WNT5A: variants seen among roughly 807,000 people sequenced by gnomAD.
WNT5A encodes the protein Wnt family member 5A, also known as protein Wnt-5a.
WNT5A carries 9 observed loss-of-function variants against 42.1 expected under a neutral mutation model. The observed-to-expected ratio is 0.21, with a 90% CI of 0.13 to 0.37. The LOEUF (loss-of-function observed/expected upper bound fraction) is 0.37. Among genes scored for constraint, WNT5A ranks in the 10% least tolerant of loss-of-function variants. The pLI, the probability that WNT5A is intolerant of heterozygous loss-of-function variation, is 1.00. For synonymous variants in WNT5A, 210 were observed against 210.0 expected, an observed-to-expected ratio of 1.00 and a Z score of 0.00; for missense variants, 426 against 534.0, an observed-to-expected ratio of 0.80 and a Z score of 1.99.
chr3:55,481,700 G>C (rs2051468797), intron 1 of WNT5A, among the ~76,000 whole-genome samples: 1 of 152,078 alleles, frequency 6.6e-6, no homozygotes, highest in Non-Finnish European at 1.5e-5. Context: ...ATAATGGAGA[G>C]AGAGGTCGGG....
intron 4 of WNT5A, among the ~76,000 whole-genome samples, chr3:55,471,241 T>C (rs1395629511): frequency 1.3e-5 from 2 of 152,192 alleles, no homozygotes; most frequent in African/African-American, 4.8e-5. Flanking sequence ...GATTGGATGA[T>C]GGCACAGTGA....
At chr3:55,477,044 C>A (rs76346715) in intron 3 of WNT5A, among the ~76,000 whole-genome samples, 2,610 of 152,174 alleles carry the variant, frequency 0.017, 41 homozygotes, top group Non-Finnish European at 0.023. Flanking sequence ...TCAGAGGTGG[C>A]GGCCTGAATT....
At chr3:55,471,006 G>T (rs2051240769) in intron 4 of WNT5A, among the ~76,000 whole-genome samples, 1 of 152,166 alleles carries the variant, frequency 6.6e-6, no homozygotes, top group South Asian at 2.1e-4. Flanking sequence ...GGGGAGTAAA[G>T]GTGCCAGGAT....
chr3:55,484,589 A>G (rs1473456343), intron 1 of WNT5A, among the ~76,000 whole-genome samples: 1 of 152,092 alleles, frequency 6.6e-6, no homozygotes, highest in Non-Finnish European at 1.5e-5. Flanking sequence ...AGGTTCGGGT[A>G]TAGAGAGGCC....
chr3:55,488,678 AGG>A (rs2051620869), upstream of WNT5A, among the ~76,000 whole-genome samples: 6 of 151,894 alleles, frequency 4.0e-5, no homozygotes, highest in Non-Finnish European at 8.8e-5. Context: ...TGAAAGAGAG[AGG>A]TCCACTCCGC....
chr3:55,480,690 C>A (rs2051441474), intron 2 of WNT5A, 95 bp downstream of exon 2: 3 of 1,291,766 alleles, frequency 2.3e-6, no homozygotes, highest in Admixed American at 6.4e-5. Flanking sequence ...AATACACCCA[C>A]ACTCACTATC....
At chr3:55,474,669 C>T (rs1347807257) in intron 3 of WNT5A, 40 bp from the exon 4 acceptor site, 9 of 1,034,734 alleles carry the variant, frequency 8.7e-6, no homozygotes, top group Non-Finnish European at 1.1e-5. Context: ...GCCTGCCTCA[C>T]GCGCTGGGCC....
chr3:55,492,040 G>A (rs2051665375), upstream of WNT5A, among the ~76,000 whole-genome samples: 1 of 152,332 alleles, frequency 6.6e-6, no homozygotes, highest in Non-Finnish European at 1.5e-5. Flanking sequence ...GACTCCAGGA[G>A]GCTCTTTGAG....
At chr3:55,499,587 T>G in the WNT5A span, among the ~76,000 whole-genome samples, 1 of 152,202 alleles carries the variant, frequency 6.6e-6, no homozygotes, top group Non-Finnish European at 1.5e-5. Context: ...ATGGTTTAAG[T>G]AAACTAAATC....
At chr3:55,477,752 T>C (rs2051384201) in intron 3 of WNT5A, among the ~76,000 whole-genome samples, 1 of 152,184 alleles carries the variant, frequency 6.6e-6, no homozygotes, top group Admixed American at 6.5e-5. Context: ...ACAGGCTACG[T>C]ATGAAAACGA....
rs2051132457 is a variant in WNT5A at position 55,465,773 on chromosome 3, C to A, written c.*4319G>T. 6.6e-6 allele frequency: 1 copy of A among 152,122 alleles called. No individual in the cohort carries two copies. Among genetic ancestry groups the A allele is most frequent in the Middle Eastern group, 3.2e-3 (1 of 316 alleles). 9.4% of individuals were successfully genotyped at this position (152,122 alleles called of 1,614,324 possible). The stretch of plus-strand genomic sequence containing the variant: ...CAAGATATGAACAAAAATAAATAAT[C>A]TTTATCTCATTTCTAGCCCAGCAAA... On this transcript the variant is annotated 3_prime_UTR_variant, in exon 5 of 5. Transcript: ENST00000264634.
At chr3:55,489,867 C>A, upstream of WNT5A, 1 of 152,464 alleles carries the variant, frequency 6.6e-6, no homozygotes, top group Non-Finnish European at 1.5e-5. Flanking sequence ...AGAGCGTCTC[C>A]GCCCGGCAAA....
At chr3:55,475,277 A>C (rs2051333970) in intron 3 of WNT5A, among the ~76,000 whole-genome samples, 1 of 152,170 alleles carries the variant, frequency 6.6e-6, no homozygotes, top group Admixed American at 6.5e-5. Flanking sequence ...TATTATTTTC[A>C]TTTGAGTTAC....
At chr3:55,471,702 T>C (rs2682455) in intron 4 of WNT5A, among the ~76,000 whole-genome samples, 89,104 of 152,154 alleles carry the variant, frequency 0.59, 27,061 homozygotes, top group African/African-American at 0.74. Flanking sequence ...GGTCTGGCCC[T>C]ATAACACTGT....
At chr3:55,472,193 A>C (rs1416213931) in intron 4 of WNT5A, among the ~76,000 whole-genome samples, 1 of 152,120 alleles carries the variant, frequency 6.6e-6, no homozygotes. Flanking sequence ...TACCCCAAAA[A>C]AACTCGCTAC....
At chr3:55,499,985 A>ACCCC in the WNT5A span, among the ~76,000 whole-genome samples, 60 of 150,674 alleles carry the variant, frequency 4.0e-4, no homozygotes, top group Non-Finnish European at 5.8e-4. Context: ...CCCTCCAAAA[A>ACCCC]AAAAAAAAAA....
Position 55,487,297 on chromosome 3 carries a change from G to C in WNT5A, c.-312C>G, listed in dbSNP as rs1433212748. ...GCCGCCGGTCCGGCGAGGGCGCGCA[G>C]GCAACTGTTCCACGGAGAGGCGCTC... is the stretch of plus-strand genomic sequence containing the variant. On this transcript the variant is annotated 5_prime_UTR_variant, in exon 1 of 5. Coordinates refer to ENST00000264634, the MANE Select transcript of WNT5A (RefSeq NM_003392.7). 2.1e-5 allele frequency: 9 copies of C among 425,944 alleles called. No homozygotes were observed. The highest frequency in any genetic ancestry group is 4.1e-6 in the Non-Finnish European group (1 of 243,384). 26.4% of individuals were successfully genotyped at this position (425,944 alleles called of 1,614,324 possible). A position where few individuals can be genotyped will look rare whatever the true frequency, so the allele number is the denominator to read the frequency against.
intron 2 of WNT5A, among the ~76,000 whole-genome samples, chr3:55,479,783 C>G (rs900711120): frequency 2.6e-5 from 4 of 152,108 alleles, no homozygotes; most frequent in African/African-American, 9.7e-5. Context: ...CATCTGGCTC[C>G]TCAGTTAGTA....
At position 55,487,073 on chromosome 3, in the gene WNT5A, G is replaced by C; in HGVS notation, c.-88C>G. 1 of 1,229,026 alleles carries C rather than the reference G, an allele frequency of 8.1e-7. No individual in the cohort carries two copies. The highest frequency in any genetic ancestry group is 1.2e-6 in the Non-Finnish European group (1 of 855,130). The allele number at this position is 1,229,026 out of a possible 1,614,324, so 76.1% of individuals were successfully genotyped here. A position where few individuals can be genotyped will look rare whatever the true frequency, so the allele number is the denominator to read the frequency against. ...AGCGGAGCGACCGGGTTAAGCCTGGGGGGACGGTCAGGAGCAGGGCTGCGG... is the reference window on the plus strand; with the variant it reads ...AGCGGAGCGACCGGGTTAAGCCTGGCGGGACGGTCAGGAGCAGGGCTGCGG... On this transcript the variant is annotated 5_prime_UTR_variant, in exon 1 of 5. Transcript: ENST00000264634.
Sources: allele counts gnomAD v4.1 joint callset (sites outside exome capture counted in the v4.1 genomes callset), GRCh38; gene constraint gnomAD v4.1.1; transcripts MANE v1.5; gene names NCBI Gene and HGNC (gene_info 2026-07-23, HGNC 2026-07-21).